RAD52: variants seen among roughly 807,000 people sequenced by gnomAD.
RAD52 encodes the protein RAD52 DNA repair protein.
In RAD52, 47 loss-of-function variants were observed where a neutral mutation model predicts 55.5. The ratio of observed to expected loss-of-function variants is 0.85; its 90% CI spans 0.67 to 1.08. The LOEUF (loss-of-function observed/expected upper bound fraction) is 1.08. Ranked by LOEUF, RAD52 falls within the 50% of genes least tolerant of loss-of-function variation. RAD52 has a pLI of 0.00. For missense variants in RAD52, 468 were observed against 522.8 expected (o/e 0.90, Z 1.02); for synonymous variants, 184 against 198.9 (o/e 0.92, Z 0.63).
At chr12:962,409 C>T (rs1350340029) in intron 1 of RAD52, among the ~76,000 whole-genome samples, 43 of 149,236 alleles carry the variant, frequency 2.9e-4, no homozygotes, top group African/African-American at 7.4e-5. Context: ...GGCCTGATCT[C>T]GGCTCACTGC....
At position 916,656 on chromosome 12, in the gene RAD52, G is replaced by A. The variant is rs1956402562; in HGVS notation, c.708C>T (p.Asp236=). Residue 236 remains aspartate, a synonymous_variant, in exon 8 of 12, where the codon GAC becomes GAT. Transcript: ENST00000358495. ...SRPSHAVIPA[D]QDCSSRSLSS... ...CCGCATACCGGGAGCTGCAGTCCTGGTCCGCCGGTATCACAGCATGGCTGG... is the reference window on the plus strand; with the variant it reads ...CCGCATACCGGGAGCTGCAGTCCTGATCCGCCGGTATCACAGCATGGCTGG... The A allele has an allele frequency of 1.2e-6, 2 of 1,613,688 alleles. No individual in the cohort carries two copies. The highest frequency in any genetic ancestry group is 3.3e-5 in the Admixed American group (2 of 59,988).
intron 5 of RAD52, among the ~76,000 whole-genome samples, chr12:927,555 CT>C (rs1456812603): frequency 6.6e-6 from 1 of 152,030 alleles, no homozygotes; most frequent in Non-Finnish European, 1.5e-5. Context: ...GTGCATCACC[CT>C]AAGGTAAAAA....
At chr12:936,079 G>A (rs1020880022) in intron 1 of RAD52, among the ~76,000 whole-genome samples, 1 of 151,620 alleles carries the variant, frequency 6.6e-6, no homozygotes, top group African/African-American at 2.4e-5. Context: ...CCAGGCAGGT[G>A]GATAACCTGA....
At chr12:978,759 C>G (rs1471035434) in intron 1 of RAD52, among the ~76,000 whole-genome samples, 1 of 152,084 alleles carries the variant, frequency 6.6e-6, no homozygotes, top group Non-Finnish European at 1.5e-5. Context: ...GTAATCCAAA[C>G]TACTCGGGAG....
chr12:929,888 T>G lies in RAD52; in HGVS notation c.281-2A>C. The G allele has an allele frequency of 6.2e-7, 1 of 1,613,176 alleles. No individual in the cohort carries two copies. Among genetic ancestry groups the G allele is most frequent in the Non-Finnish European group, 8.5e-7 (1 of 1,179,218 alleles). On this transcript the variant is annotated splice_acceptor_variant, in intron 4 of 11. Transcript: ENST00000358495. LOFTEE classifies it high-confidence loss of function. ...TGCCATTGTTGAGGTCAACAAAATC[T>G]AGGAGTGGGAAAGAGAGCAAGTTGA...
chr12:962,943 C>T (rs998154263), intron 1 of RAD52, among the ~76,000 whole-genome samples: 2 of 152,018 alleles, frequency 1.3e-5, no homozygotes, highest in Non-Finnish European at 2.9e-5. Flanking sequence ...ATAGAGATGA[C>T]GTTTTGCCAT....
chr12:932,517 G>C (rs2154114756), intron 2 of RAD52, among the ~76,000 whole-genome samples: 1 of 151,950 alleles, frequency 6.6e-6, no homozygotes, highest in East Asian at 1.9e-4. Flanking sequence ...AAATAGAACT[G>C]GGTGGCATGC....
At chr12:965,453 C>T (rs184933203) in intron 1 of RAD52, among the ~76,000 whole-genome samples, 2 of 152,062 alleles carry the variant, frequency 1.3e-5, no homozygotes, top group Non-Finnish European at 2.9e-5. Flanking sequence ...ATCAAATTCT[C>T]CCTGTGGCAG....
intron 3 of RAD52, among the ~76,000 whole-genome samples, chr12:930,366 G>A (rs996251578): frequency 6.6e-6 from 1 of 151,742 alleles, no homozygotes; most frequent in African/African-American, 2.4e-5. Context: ...GTGACAGAGT[G>A]AGAACCAGTC....
At chr12:932,911 C>G (rs1957414207) in intron 2 of RAD52, 64 bp downstream of exon 2, 2 of 1,468,510 alleles carry the variant, frequency 1.4e-6, no homozygotes, top group Non-Finnish European at 1.9e-6. Flanking sequence ...GCTCTACAAA[C>G]TGCCTTGCCC....
Position 986,430 on chromosome 12 carries a change from T to G in RAD52, c.-19+3379A>C, listed in dbSNP as rs1026605376. Among the ~76,000 whole-genome samples the G allele has an allele frequency of 2.6e-5, 4 of 152,160 alleles. No homozygotes were observed. The East Asian group carries it at 5.8e-4, about 22-fold the overall frequency. On this transcript the variant is annotated intron_variant, in intron 1 of 11. Transcript: ENST00000430095. ...CCCAGGCTGGAGAGTGGTACCATTATAGTGCACTGCAGCCTTGAACTCCTG... is the reference window on the plus strand; with the variant it reads ...CCCAGGCTGGAGAGTGGTACCATTAGAGTGCACTGCAGCCTTGAACTCCTG...
At chr12:928,121 T>A (rs1957137476) in intron 5 of RAD52, among the ~76,000 whole-genome samples, 1 of 152,224 alleles carries the variant, frequency 6.6e-6, no homozygotes, top group African/African-American at 2.4e-5. Context: ...TATAACACAA[T>A]TCTTTCCATT....
intron 1 of RAD52, among the ~76,000 whole-genome samples, chr12:962,341 TC>T (rs902270986): frequency 8.8e-5 from 8 of 91,090 alleles, no homozygotes; most frequent in South Asian, 4.4e-4. Context: ...ACGCTTTCTT[TC>T]CTTTTTTTTT....
At chr12:913,771 A>G (rs375063895) in intron 11 of RAD52, 123 bp downstream of exon 11, 98 of 903,736 alleles carry the variant, frequency 1.1e-4, no homozygotes, top group Non-Finnish European at 1.6e-4. Context: ...TTGCAGTACC[A>G]TTCCCTAATA....
intron 5 of RAD52, among the ~76,000 whole-genome samples, chr12:928,504 CA>C (rs1241734105): frequency 6.9e-6 from 1 of 144,714 alleles, no homozygotes; most frequent in African/African-American, 2.6e-5. Context: ...GCAACAAGAG[CA>C]AAACTCCATC....
chr12:953,553 G>A (rs543967316), upstream of RAD52, among the ~76,000 whole-genome samples: 65 of 152,248 alleles, frequency 4.3e-4, 1 homozygote, highest in South Asian at 0.01. Flanking sequence ...TACAATTTAC[G>A]AAGGGACATA....
intron 6 of RAD52, 114 bp downstream of exon 6, chr12:927,031 C>T (rs1480946868): frequency 1.5e-5 from 23 of 1,523,372 alleles, no homozygotes; most frequent in African/African-American, 9.6e-5. Context: ...TTACCTTCCA[C>T]GCTGCTTGGA....
chr12:914,319 A>AC, intron 10 of RAD52, 112 bp downstream of exon 10: 1 of 1,467,594 alleles, frequency 6.8e-7, no homozygotes. Context: ...ATCAGCCAGA[A>AC]CCCCCTCAAC....
chr12:931,083 T>TC (rs1371975018), intron 3 of RAD52, 137 bp downstream of exon 3: 1 of 624,876 alleles, frequency 1.6e-6, no homozygotes, highest in Non-Finnish European at 2.7e-6. Context: ...ACCCATCCCC[T>TC]CCCAGGGGCA....
Sources: allele counts gnomAD v4.1 joint callset (sites outside exome capture counted in the v4.1 genomes callset), GRCh38; gene constraint gnomAD v4.1.1; transcripts MANE v1.5; gene names NCBI Gene and HGNC (gene_info 2026-07-23, HGNC 2026-07-21).